Variants in EPHB1 observed in about 807,000 individuals in gnomAD.
The protein encoded by EPHB1 is EPH receptor B1, also known as ephrin type-B receptor 1.
Under a neutral mutation model 94.4 loss-of-function variants are expected in EPHB1, and 30 were observed. The ratio of observed to expected loss-of-function variants is 0.32; its 90% CI spans 0.24 to 0.43. EPHB1 has a LOEUF of 0.43. Ranked by LOEUF, EPHB1 falls within the 20% of genes least tolerant of loss-of-function variation. EPHB1 has a pLI of 1.00. For synonymous variants in EPHB1, 522 were observed against 489.1 expected (o/e 1.07, Z -0.89); for missense variants, 1,055 against 1,308.3 (o/e 0.81, Z 2.99).
chr3:134,959,163 C>A (rs1280702680), intron 3 of EPHB1, among the ~76,000 whole-genome samples: 1 of 152,140 alleles, frequency 6.6e-6, no homozygotes, highest in Non-Finnish European at 1.5e-5. Flanking sequence ...GGGAACATCA[C>A]CACGTCAGGA....
At chr3:134,949,589 A>G (rs972236) in intron 2 of EPHB1, among the ~76,000 whole-genome samples, 75,607 of 152,056 alleles carry the variant, frequency 0.5, 19,685 homozygotes, top group African/African-American at 0.64. Flanking sequence ...ATTCTAGTCT[A>G]TATATTTAAA....
At chr3:134,883,854 C>T (rs2037810358) in intron 1 of EPHB1, among the ~76,000 whole-genome samples, 1 of 152,124 alleles carries the variant, frequency 6.6e-6, no homozygotes, top group South Asian at 2.1e-4. Context: ...GGTGAGTGGT[C>T]AGGGTGAGCA....
intron 3 of EPHB1, chr3:134,977,886 C>T (rs1934249090): frequency 2.3e-5 from 10 of 437,954 alleles, no homozygotes; most frequent in Non-Finnish European, 4.6e-6. Flanking sequence ...CCTGCCGTCC[C>T]AGCCCTGGTT....
rs562997854 is a variant in EPHB1 at position 134,821,769 on chromosome 3, G to A, written c.58+26080G>A. Among the ~76,000 whole-genome samples, 7 of 152,294 alleles carry A rather than the reference G, an allele frequency of 4.6e-5. No individual in the cohort carries two copies. The South Asian group carries it at 1.0e-3, about 23-fold the overall frequency. On this transcript the variant is annotated intron_variant, in intron 1 of 15. Coordinates refer to ENST00000398015, the MANE Select transcript of EPHB1 (RefSeq NM_004441.5). ...GAAAAGATCTAATACAAACAGAAACGTGTTTGGGAATGGTGACACTGGGAG... is the reference window on the plus strand; with the variant it reads ...GAAAAGATCTAATACAAACAGAAACATGTTTGGGAATGGTGACACTGGGAG...
chr3:134,981,342 T>C (rs1019527694), intron 3 of EPHB1, among the ~76,000 whole-genome samples: 1 of 152,188 alleles, frequency 6.6e-6, no homozygotes, highest in Non-Finnish European at 1.5e-5. Flanking sequence ...CTTCCTCATC[T>C]TGCGTGTTCA....
chr3:135,244,780 G>T (rs1576496427), intron 13 of EPHB1, among the ~76,000 whole-genome samples: 1 of 152,260 alleles, frequency 6.6e-6, no homozygotes, highest in East Asian at 1.9e-4. Flanking sequence ...TCCTAAAGAA[G>T]AGAATAAAAA....
chr3:135,110,717 A>G (rs1939406815), intron 4 of EPHB1, among the ~76,000 whole-genome samples: 1 of 152,220 alleles, frequency 6.6e-6, no homozygotes, highest in Non-Finnish European at 1.5e-5. Flanking sequence ...ATTCTCACTC[A>G]TGAATCTACC....
chr3:135,043,643 C>G (rs1004313060), intron 3 of EPHB1, among the ~76,000 whole-genome samples: 1 of 152,244 alleles, frequency 6.6e-6, no homozygotes, highest in African/African-American at 2.4e-5. Flanking sequence ...CTGAGGATTC[C>G]TTGCACCTGG....
intron 1 of EPHB1, among the ~76,000 whole-genome samples, chr3:134,839,550 C>T (rs1315963203): frequency 6.6e-6 from 1 of 152,060 alleles, no homozygotes; most frequent in East Asian, 1.9e-4. Context: ...CCCTTGGTCA[C>T]CGAGAAGGCC....
intron 3 of EPHB1, among the ~76,000 whole-genome samples, chr3:134,979,806 A>T (rs1934337847): frequency 6.6e-6 from 1 of 151,356 alleles, no homozygotes; most frequent in Non-Finnish European, 1.5e-5. Flanking sequence ...TTGTAGAGGG[A>T]AAAAAATGGA....
intron 3 of EPHB1, among the ~76,000 whole-genome samples, chr3:134,970,311 A>G (rs1223998364): frequency 6.6e-6 from 1 of 152,206 alleles, no homozygotes; most frequent in Admixed American, 6.5e-5. Flanking sequence ...TCATTTTATC[A>G]TCATTTTGCC....
At chr3:135,098,673 G>C (rs192346912) in intron 3 of EPHB1, among the ~76,000 whole-genome samples, 10 of 151,456 alleles carry the variant, frequency 6.6e-5, no homozygotes, top group Admixed American at 6.6e-4. Flanking sequence ...TCAATATTTT[G>C]AAGCTCTTAA....
intron 3 of EPHB1, among the ~76,000 whole-genome samples, chr3:135,061,369 C>CCG (rs764030997): frequency 1.3e-3 from 14 of 10,678 alleles, no homozygotes; most frequent in Admixed American, 4.0e-3. Context: ...GGAATGACCA[C>CCG]CCCCCCCGAC....
intron 12 of EPHB1, among the ~76,000 whole-genome samples, chr3:135,232,361 T>G (rs1943552396): frequency 6.6e-6 from 1 of 152,232 alleles, no homozygotes; most frequent in South Asian, 2.1e-4. Flanking sequence ...GCCACATGGA[T>G]GCCCCCTGAG....
chr3:135,089,089 C>G (rs1938469290), intron 3 of EPHB1, among the ~76,000 whole-genome samples: 1 of 152,198 alleles, frequency 6.6e-6, no homozygotes, highest in African/African-American at 2.4e-5. Context: ...GAAGCTGGTA[C>G]TCCTTTCTCC....
intron 1 of EPHB1, among the ~76,000 whole-genome samples, chr3:134,816,918 C>T (rs1007093001): frequency 4.6e-5 from 7 of 151,892 alleles, no homozygotes; most frequent in Non-Finnish European, 8.8e-5. Context: ...CAGGTCTGGA[C>T]GAATTCCTAG....
At chr3:135,048,903 T>G (rs1937088066) in intron 3 of EPHB1, among the ~76,000 whole-genome samples, 1 of 152,220 alleles carries the variant, frequency 6.6e-6, no homozygotes, top group Admixed American at 6.5e-5. Flanking sequence ...TGGGCTTTGT[T>G]GCTAAGCACA....
intron 15 of EPHB1, among the ~76,000 whole-genome samples, chr3:135,249,835 C>CAT (rs34662358): frequency 0.12 from 17,910 of 152,242 alleles, 1,172 homozygotes; most frequent in Middle Eastern, 0.21. Flanking sequence ...CTTTAAATAA[C>CAT]AGCAGGAAAA....
At chr3:135,203,764 G>T (rs1942821655) in intron 12 of EPHB1, among the ~76,000 whole-genome samples, 2 of 152,084 alleles carry the variant, frequency 1.3e-5, no homozygotes, top group South Asian at 2.1e-4. Context: ...ACAAAATTTG[G>T]ATCATATTAT....
Sources: gnomAD v4.1 joint callset for allele counts (sites outside exome capture counted in the v4.1 genomes callset) on GRCh38, gnomAD v4.1.1 for gene constraint, MANE v1.5 for transcripts, NCBI Gene and HGNC (gene_info 2026-07-23, HGNC 2026-07-21) for gene names.